CEP44: variants seen among roughly 807,000 people sequenced by gnomAD.
CEP44 encodes the protein centrosomal protein of 44 kDa.
Under a neutral mutation model 46.7 loss-of-function variants are expected in CEP44, and 45 were observed. That is an observed-to-expected ratio of 0.96 (90% CI 0.76 to 1.24). The LOEUF is 1.24. CEP44 is among the 50% of genes most tolerant of loss of function. The probability of loss-of-function intolerance (pLI) is 0.00; values close to 1 mark genes in which losing one functional copy is unlikely to be tolerated. For missense variants in CEP44, 475 were observed against 459.7 expected, an observed-to-expected ratio of 1.03 and a Z score of -0.30; for synonymous variants, 142 against 146.0, an observed-to-expected ratio of 0.97 and a Z score of 0.20.
rs1579166570 is a variant in CEP44, at chr4:174,320,112, C to T, written c.*2729C>T. 3.0e-6 allele frequency: 3 copies of T among 984,734 alleles called. No homozygotes were observed. The highest frequency in any genetic ancestry group is 5.2e-4 in the Middle Eastern group (1 of 1,914). The allele number at this position is 984,734 out of a possible 1,614,324, so 61.0% of individuals were successfully genotyped here. ...TCTATGTTATGCTCTGAATAGGTCTCGGTAAAGATTATATGGAAATACTAT... is the reference window on the plus strand; with the variant it reads ...TCTATGTTATGCTCTGAATAGGTCTTGGTAAAGATTATATGGAAATACTAT... On this transcript the variant is annotated 3_prime_UTR_variant, in exon 12 of 12. Coordinates refer to ENST00000503780, the MANE Select transcript of CEP44 (RefSeq NM_001040157.3).
At chr4:174,298,923 G>A in intron 2 of CEP44, 149 bp from the exon 3 acceptor site, 1 of 516,230 alleles carries the variant, frequency 1.9e-6, no homozygotes, top group South Asian at 3.0e-5. Flanking sequence ...TTACAAAGTA[G>A]AACTTGAGTA....
chr4:174,299,746 A>G (rs1371593977), intron 3 of CEP44, among the ~76,000 whole-genome samples: 1 of 152,130 alleles, frequency 6.6e-6, no homozygotes, highest in Admixed American at 6.5e-5. Flanking sequence ...AAGCTCTCCC[A>G]TTTAACAGAC....
intron 11 of CEP44, 62 bp downstream of exon 11, chr4:174,316,629 G>T (rs1489451236): frequency 7.0e-7 from 1 of 1,434,964 alleles, no homozygotes; most frequent in Non-Finnish European, 9.5e-7. Context: ...TTGGATTACA[G>T]TATATATAGA....
chr4:174,298,333 G>A (rs1739312739), intron 2 of CEP44, among the ~76,000 whole-genome samples: 3 of 151,148 alleles, frequency 2.0e-5, no homozygotes, highest in Non-Finnish European at 4.4e-5. Context: ...CTGCCACTAC[G>A]CCCGGCTAAT....
downstream of CEP44, among the ~76,000 whole-genome samples, chr4:174,324,757 G>A (rs1157808677): frequency 6.6e-6 from 1 of 152,088 alleles, no homozygotes. Context: ...CCCCTGAGTA[G>A]CAGGGTTTCA....
Position 174,318,785 on chromosome 4 carries a change from A to G in CEP44, c.*1402A>G. 1.3e-6 allele frequency: 1 copy of G among 786,784 alleles called. No homozygotes were observed. Among genetic ancestry groups the G allele is most frequent in the African/African-American group, 1.9e-5 (1 of 53,172 alleles). The allele number at this position is 786,784 out of a possible 1,614,324, so 48.7% of individuals were successfully genotyped here. On this transcript the variant is annotated 3_prime_UTR_variant, in exon 12 of 12. Coordinates refer to ENST00000503780, the MANE Select transcript of CEP44 (RefSeq NM_001040157.3). ...AACAGTGTAAGAAATCACTTTTAAG[A>G]AAACATTTTTAGAATTCCTTTGTTT...
intron 1 of CEP44, among the ~76,000 whole-genome samples, chr4:174,294,729 C>G (rs1471605405): frequency 2.2e-5 from 3 of 133,456 alleles, no homozygotes; most frequent in African/African-American, 8.9e-5. Flanking sequence ...GGGCTGACCA[C>G]CCCCCACCTC....
chr4:174,292,832 C>T (rs1738393113), intron 1 of CEP44, among the ~76,000 whole-genome samples: 1 of 152,078 alleles, frequency 6.6e-6, no homozygotes, highest in Non-Finnish European at 1.5e-5. Flanking sequence ...GCTCATTGAG[C>T]TTAAGATGAT....
exon 9 of CEP44, chr4:174,332,919 T>C (rs1731384973): frequency 6.6e-6 from 1 of 152,168 alleles, no homozygotes; most frequent in African/African-American, 2.4e-5. Flanking sequence ...GACATTCCTT[T>C]CTAACTAACA....
chr4:174,289,206 T>G (rs1737887286), intron 1 of CEP44, among the ~76,000 whole-genome samples: 1 of 152,128 alleles, frequency 6.6e-6, no homozygotes, highest in Admixed American at 6.5e-5. Context: ...ATCAAATGTA[T>G]TAGACTGTAG....
chr4:174,284,117 G>C (rs1015176388), intron 1 of CEP44, 174 bp downstream of exon 1: 1 of 399,090 alleles, frequency 2.5e-6, no homozygotes. Flanking sequence ...CTTTGAAACC[G>C]GCTTCTTTGC....
At chr4:174,293,770 A>G (rs1344770904) in intron 1 of CEP44, among the ~76,000 whole-genome samples, 1 of 152,100 alleles carries the variant, frequency 6.6e-6, no homozygotes, top group African/African-American at 2.4e-5. Context: ...CTTTCTTCCT[A>G]AGGTATTTTA....
At chr4:174,303,250 T>A (rs1483601042) in intron 4 of CEP44, among the ~76,000 whole-genome samples, 2 of 151,954 alleles carry the variant, frequency 1.3e-5, no homozygotes, top group Non-Finnish European at 2.9e-5. Context: ...TTTAGGAAAC[T>A]ACTGATCTAG....
At chr4:174,298,889 C>A (rs1465767841) in intron 2 of CEP44, among the ~76,000 whole-genome samples, 183 bp from the exon 3 acceptor site, 1 of 151,614 alleles carries the variant, frequency 6.6e-6, no homozygotes, top group East Asian at 1.9e-4. Flanking sequence ...GGGGAGACAC[C>A]CTATATTCAG....
chr4:174,329,337 CACAG>C lies in CEP44; in HGVS notation c.1087-2141_1087-2138del, dbSNP rs1464347580. ...CCCTTTGCTCAAACACAGACACACA[CACAG>C]ACACACACACACACACACATTTTAA... On this transcript the variant is annotated intron_variant, in intron 8 of 8. Transcript: ENST00000426172. This position sits in a 1 kb window ranked among gnomAD's most constrained non-coding sequence, Gnocchi z 4.0. 2.7e-5 allele frequency among the ~76,000 whole-genome samples: 4 copies of C among 147,444 alleles called. No individual in the cohort carries two copies. The highest frequency in any genetic ancestry group is 6.1e-5 in the Non-Finnish European group (4 of 65,428).
chr4:174,285,906 C>G (rs1737541712), intron 1 of CEP44, among the ~76,000 whole-genome samples: 1 of 152,186 alleles, frequency 6.6e-6, no homozygotes, highest in Non-Finnish European at 1.5e-5. Context: ...TACCCCCAGT[C>G]AGTCTAAAGG....
At chr4:174,295,406 C>T (rs982604187) in intron 1 of CEP44, among the ~76,000 whole-genome samples, 4 of 151,512 alleles carry the variant, frequency 2.6e-5, no homozygotes, top group East Asian at 2.0e-4. Context: ...CGGGCAGAGA[C>T]GCTCCTTACT....
At position 174,329,602 on chromosome 4, in the gene CEP44, C is replaced by T. The variant is rs1731205656; in HGVS notation, c.1087-1880C>T. Among the ~76,000 whole-genome samples the T allele has an allele frequency of 6.6e-6, 1 of 151,966 alleles. No homozygotes were observed. The highest frequency in any genetic ancestry group is 1.5e-5 in the Non-Finnish European group (1 of 68,006). On this transcript the variant is annotated intron_variant, in intron 8 of 8. Coordinates refer to the CEP44 transcript ENST00000426172. The surrounding 1 kb of genome is among the most constrained non-coding windows in gnomAD (Gnocchi z 4.0). Reference sequence around the variant, plus strand: ...TATAGCTTGAAGAATGTACTTTACTCATGGGAACTAAAAATGTTATGCTTT... The same window carrying T: ...TATAGCTTGAAGAATGTACTTTACTTATGGGAACTAAAAATGTTATGCTTT...
At position 174,288,147 on chromosome 4, in the gene CEP44, G is replaced by A. The variant is rs1737770059; in HGVS notation, c.-148+4204G>A. On this transcript the variant is annotated intron_variant, in intron 1 of 11. Transcript: ENST00000503780. This position sits in a 1 kb window ranked among gnomAD's most constrained non-coding sequence, Gnocchi z 4.6. ...TTGCGGTATGATTGACATACAGAAA[G>A]CTATAGACATTTAATGTATACAGTT... Among the ~76,000 whole-genome samples the A allele has an allele frequency of 6.6e-6, 1 of 152,138 alleles. No homozygotes were observed. Among genetic ancestry groups the A allele is most frequent in the Admixed American group, 6.5e-5 (1 of 15,268 alleles).
Sources: allele counts gnomAD v4.1 joint callset (sites outside exome capture counted in the v4.1 genomes callset), GRCh38; gene constraint gnomAD v4.1.1; non-coding constraint Gnocchi (gnomAD v3.1); transcripts MANE v1.5; gene names NCBI Gene and HGNC (gene_info 2026-07-23, HGNC 2026-07-21).